The following RCC1L variants were observed in gnomAD, a reference collection of about 807,000 sequenced individuals.
The protein encoded by RCC1L is RCC1-like G exchanging factor-like protein.
A neutral mutation model predicts 58.6 loss-of-function variants in RCC1L; 46 were observed. The ratio of observed to expected loss-of-function variants is 0.79; its 90% CI spans 0.62 to 1.00. The LOEUF (loss-of-function observed/expected upper bound fraction) is 1.00, where lower values mean the gene tolerates loss of function less well. Ranked by LOEUF, RCC1L falls within the 50% of genes least tolerant of loss-of-function variation. The pLI, the probability that RCC1L is intolerant of heterozygous loss-of-function variation, is 0.00. For synonymous variants in RCC1L, 281 were observed against 262.9 expected, an observed-to-expected ratio of 1.07 and a Z score of -0.67; for missense variants, 636 against 623.6, an observed-to-expected ratio of 1.02 and a Z score of -0.21.
At chr7:75,066,206 C>T (rs1315956442) in intron 3 of RCC1L, among the ~76,000 whole-genome samples, 3 of 152,048 alleles carry the variant, frequency 2.0e-5, no homozygotes, top group Admixed American at 2.0e-4. Context: ...AATCCCAGCA[C>T]TTTGGGAGGC....
At chr7:75,039,292 G>A (rs1486341588), downstream of RCC1L, among the ~76,000 whole-genome samples, 1 of 152,242 alleles carries the variant, frequency 6.6e-6, no homozygotes, top group Non-Finnish European at 1.5e-5. Flanking sequence ...TGGGCACTTG[G>A]CCTCAGAATG....
chr7:75,052,371 G>A lies in RCC1L; in HGVS notation c.1317+340C>T, dbSNP rs935690762. Among the ~76,000 whole-genome samples, 306 of 152,260 alleles carry A rather than the reference G, an allele frequency of 2.0e-3. 2 individuals are homozygous for A. The highest frequency in any genetic ancestry group is 2.0e-3 in the Non-Finnish European group (138 of 68,030). On this transcript the variant is annotated intron_variant, in intron 10 of 10. Transcript: ENST00000610322. ...CCGATCCACCCCAAGGATGGCCTCCGACAGGGCTTCTTATAGGACTGGATG... is the reference window on the plus strand; with the variant it reads ...CCGATCCACCCCAAGGATGGCCTCCAACAGGGCTTCTTATAGGACTGGATG...
chr7:75,068,139 G>C (rs1321790604), intron 2 of RCC1L, among the ~76,000 whole-genome samples: 2 of 151,560 alleles, frequency 1.3e-5, no homozygotes, highest in Non-Finnish European at 2.9e-5. Context: ...GACCAACGTG[G>C]AGAAACCCCA....
chr7:75,070,770 C>T lies in RCC1L; in HGVS notation c.325-1G>A. On this transcript the variant is annotated splice_acceptor_variant, in intron 1 of 10. Transcript: ENST00000610322. LOFTEE classifies it high-confidence loss of function. ...CATAGCCGCAAGCAGCAGATGAAATCTGAAAAGCAGTTCCCACAAAGCATG... is the reference window on the plus strand; with the variant it reads ...CATAGCCGCAAGCAGCAGATGAAATTTGAAAAGCAGTTCCCACAAAGCATG... 1 of 1,613,894 alleles carries T rather than the reference C, an allele frequency of 6.2e-7. No individual in the cohort carries two copies. Among genetic ancestry groups the T allele is most frequent in the African/African-American group, 1.3e-5 (1 of 75,024 alleles).
intron 8 of RCC1L, 67 bp from the exon 9 acceptor site, chr7:75,056,141 A>C (rs1479671246): frequency 8.9e-6 from 14 of 1,575,398 alleles, no homozygotes; most frequent in African/African-American, 4.0e-5. Context: ...CCAGAAACTC[A>C]AACTACACCA....
At chr7:75,060,169 A>G (rs1206979982) in intron 6 of RCC1L, among the ~76,000 whole-genome samples, 1 of 152,216 alleles carries the variant, frequency 6.6e-6, no homozygotes. Context: ...AGTATCATGC[A>G]TTTAAGTTTC....
chr7:75,045,855 C>A (rs1805704268), intron 10 of RCC1L, among the ~76,000 whole-genome samples: 1 of 152,222 alleles, frequency 6.6e-6, no homozygotes, highest in African/African-American at 2.4e-5. Flanking sequence ...GAAAGTGACC[C>A]TGCCTGGCTT....
At chr7:75,058,435 T>G (rs1305496949) in intron 7 of RCC1L, among the ~76,000 whole-genome samples, 153 bp downstream of exon 7, 2 of 152,010 alleles carry the variant, frequency 1.3e-5, no homozygotes, top group Non-Finnish European at 2.9e-5. Context: ...TTTGCCATGT[T>G]GCCCAGGCTG....
At chr7:75,056,655 G>A (rs1554443979) in intron 8 of RCC1L, 6 of 1,535,456 alleles carry the variant, frequency 3.9e-6, no homozygotes, top group Non-Finnish European at 5.2e-6. Context: ...GGCTAAGGGA[G>A]GGGAATGAAG....
At chr7:75,061,375 G>T in intron 5 of RCC1L, 84 bp from the exon 6 acceptor site, 4 of 1,187,594 alleles carry the variant, frequency 3.4e-6, no homozygotes, top group Non-Finnish European at 5.0e-6. Context: ...CAGCACCATC[G>T]CCTGCCGCTC....
At chr7:75,066,966 A>G (rs1156470742) in intron 2 of RCC1L, among the ~76,000 whole-genome samples, 174 bp from the exon 3 acceptor site, 2 of 152,198 alleles carry the variant, frequency 1.3e-5, no homozygotes, top group Non-Finnish European at 2.9e-5. Flanking sequence ...AGCCCATGGC[A>G]TGGGCTGTCT....
chr7:75,073,517 A>C lies in RCC1L; in HGVS notation c.221T>G (p.Val74Gly). Residue 74 changes from valine (V) to glycine (G), a missense_variant, in exon 1 of 11, where the codon GTG becomes GGG. By Grantham distance (109) the Val-to-Gly change is moderately radical. Coordinates refer to ENST00000610322, the MANE Select transcript of RCC1L (RefSeq NM_030798.5). ...WGFSFSGALG[V>G]PSFVVPSSGP... ...GGAGCTGGGCACCACAAAGGAAGGC[A>C]CGCCCAGCGCCCCCGAGAAGCTGAA... 6.9e-7 allele frequency: 1 copy of C among 1,445,426 alleles called. No individual in the cohort carries two copies. The allele number at this position is 1,445,426 out of a possible 1,614,324, so 89.5% of individuals were successfully genotyped here.
intron 10 of RCC1L, among the ~76,000 whole-genome samples, chr7:75,030,446 C>G (rs1370172559): frequency 7.9e-5 from 12 of 152,100 alleles, no homozygotes; most frequent in Admixed American, 5.2e-4. Context: ...GGTAGGACGG[C>G]CTCACCCCAC....
chr7:75,057,614 C>G lies in RCC1L; in HGVS notation c.972G>C (p.Val324=). 13 of 1,613,942 alleles carry G rather than the reference C, an allele frequency of 8.1e-6. No homozygotes were observed. Among genetic ancestry groups the G allele is most frequent in the South Asian group, 1.1e-5 (1 of 91,068 alleles). The change falls in exon 8 of 11, where the codon GTG becomes GTC. Residue 324 remains valine, a splice_region_variant and synonymous_variant. Transcript: ENST00000610322. The part of the protein sequence containing the change: ...QLASVTDSTQ[V]NVPRCLHFSG... ...AGAAGTGTAAGCAGCGGGGCACATTCACCTGAACCAAAGAAAGGAGCCACA... is the reference window on the plus strand; with the variant it reads ...AGAAGTGTAAGCAGCGGGGCACATTGACCTGAACCAAAGAAAGGAGCCACA...
intron 10 of RCC1L, among the ~76,000 whole-genome samples, chr7:75,046,335 G>A (rs1039540545): frequency 2.0e-5 from 3 of 152,350 alleles, no homozygotes; most frequent in African/African-American, 2.4e-5. Context: ...GGCCCCGACC[G>A]CCTCTTAGCA....
At chr7:75,030,810 T>C (rs1330589659) in intron 10 of RCC1L, among the ~76,000 whole-genome samples, 3 of 152,196 alleles carry the variant, frequency 2.0e-5, no homozygotes, top group African/African-American at 7.2e-5. Context: ...TGGAAGGGGC[T>C]GGGGCTGCCC....
chr7:75,029,250 G>T (rs1805229602), intron 10 of RCC1L, among the ~76,000 whole-genome samples: 1 of 152,202 alleles, frequency 6.6e-6, no homozygotes. Flanking sequence ...GCCACCCTGG[G>T]CCCCTTTCTG....
chr7:75,063,855 G>A lies in RCC1L; in HGVS notation c.651-512C>T, dbSNP rs1044520486. On this transcript the variant is annotated intron_variant, in intron 4 of 10. Coordinates refer to ENST00000610322, the MANE Select transcript of RCC1L (RefSeq NM_030798.5). ...GAATCGCTTGAACTTGGGAGGCGGA[G>A]GTTGCAGTGAGCCTAGATCTCACCA... Among the ~76,000 whole-genome samples the A allele has an allele frequency of 4.5e-3, 680 of 152,078 alleles. 3 individuals carry two copies. Among genetic ancestry groups the A allele is most frequent in the Non-Finnish European group, 7.1e-3 (486 of 68,014 alleles).
chr7:75,036,349 C>T (rs878962011), intron 10 of RCC1L, among the ~76,000 whole-genome samples: 16,618 of 151,220 alleles, frequency 0.11, 990 homozygotes, highest in South Asian at 0.12. Context: ...CTCGAACTCC[C>T]GACCTCAGGT....
Sources: allele counts gnomAD v4.1 joint callset (sites outside exome capture counted in the v4.1 genomes callset), GRCh38; gene constraint gnomAD v4.1.1; transcripts MANE v1.5; gene names NCBI Gene and HGNC (gene_info 2026-07-23, HGNC 2026-07-21).